Variants in PTPRT observed in about 807,000 individuals in gnomAD.
PTPRT encodes receptor-type tyrosine-protein phosphatase T.
Under a neutral mutation model 176.8 loss-of-function variants are expected in PTPRT, and 56 were observed. That is an observed-to-expected ratio of 0.32 (90% CI 0.26 to 0.40). The LOEUF (loss-of-function observed/expected upper bound fraction) is 0.40. Ranked by LOEUF, PTPRT falls within the 10% of genes least tolerant of loss-of-function variation. The pLI, the probability that PTPRT is intolerant of heterozygous loss-of-function variation, is 1.00. For synonymous variants in PTPRT, 783 were observed against 739.0 expected, an observed-to-expected ratio of 1.06 and a Z score of -0.96; for missense variants, 1,540 against 1,908.2, an observed-to-expected ratio of 0.81 and a Z score of 3.60.
At chr20:43,187,602 T>C (rs1422334926) in intron 1 of PTPRT, among the ~76,000 whole-genome samples, 1 of 152,078 alleles carries the variant, frequency 6.6e-6, no homozygotes, top group African/African-American at 2.4e-5. Flanking sequence ...CAATACAAGC[T>C]AATCCCATTC....
intron 8 of PTPRT, among the ~76,000 whole-genome samples, chr20:42,449,162 C>T (rs959567499): frequency 5.3e-5 from 8 of 152,174 alleles, no homozygotes; most frequent in Non-Finnish European, 1.0e-4. Flanking sequence ...AGAAGAAGCT[C>T]GCCTTGCTCC....
At chr20:42,396,361 T>C (rs2058849184) in intron 9 of PTPRT, among the ~76,000 whole-genome samples, 1 of 152,194 alleles carries the variant, frequency 6.6e-6, no homozygotes, top group Non-Finnish European at 1.5e-5. Flanking sequence ...CCACCATCTC[T>C]CACCTGCATT....
chr20:42,681,232 G>A (rs58452048), intron 6 of PTPRT, among the ~76,000 whole-genome samples: 9,697 of 152,208 alleles, frequency 0.064, 944 homozygotes, highest in African/African-American at 0.21. Flanking sequence ...TATAGGAAAT[G>A]TACAGGGCCA....
chr20:42,898,875 G>A (rs2079350499), intron 1 of PTPRT, among the ~76,000 whole-genome samples: 1 of 152,156 alleles, frequency 6.6e-6, no homozygotes, highest in Non-Finnish European at 1.5e-5. Context: ...GAGAGAACAG[G>A]GGGAGAGAAC....
Position 42,508,254 on chromosome 20 carries a change from T to C in PTPRT, c.1154-35692A>G, listed in dbSNP as rs369800670. Among the ~76,000 whole-genome samples, 299 of 151,796 alleles carry C rather than the reference T, an allele frequency of 2.0e-3. 14 individuals are homozygous for C. In the South Asian group the frequency reaches 0.059, roughly 30 times the overall value. On this transcript the variant is annotated intron_variant, in intron 7 of 30. Transcript: ENST00000373187. The stretch of plus-strand genomic sequence containing the variant: ...AAATACTGTTTTATGTTTGGTTTTG[T>C]TTCTAGGAGCGCCTGCTGAATAGCA...
In PTPRT at chr20:43,105,581, A is replaced by C. The variant is rs563997724; in HGVS notation, c.88+84065T>G. ...ATACCTGGCTAATTTTTGTATTTTT[A>C]GTAGAGACAAAGTTTCACTATGTTG... On this transcript the variant is annotated intron_variant, in intron 1 of 30. Coordinates refer to ENST00000373187, the MANE Select transcript of PTPRT (RefSeq NM_007050.6). Among the ~76,000 whole-genome samples the C allele has an allele frequency of 9.9e-4, 150 of 152,174 alleles. 1 individual carries two copies. The highest frequency in any genetic ancestry group is 3.5e-3 in the African/African-American group (144 of 41,518).
chr20:43,108,109 A>C (rs2012697084), intron 1 of PTPRT, among the ~76,000 whole-genome samples: 2 of 152,160 alleles, frequency 1.3e-5, no homozygotes, highest in African/African-American at 2.4e-5. Flanking sequence ...CTCTCTATCC[A>C]CCTGAGGATG....
At chr20:42,183,717 C>T (rs1202324339) in intron 16 of PTPRT, among the ~76,000 whole-genome samples, 4 of 152,102 alleles carry the variant, frequency 2.6e-5, no homozygotes, top group African/African-American at 7.2e-5. Context: ...TATGCATATG[C>T]CATTTTTCCT....
intron 13 of PTPRT, among the ~76,000 whole-genome samples, chr20:42,257,999 C>G (rs1446351296): frequency 5.3e-5 from 8 of 152,098 alleles, no homozygotes; most frequent in Non-Finnish European, 1.2e-4. Flanking sequence ...AGATTATTCT[C>G]TTTAACCTAT....
chr20:43,097,950 C>A (rs981510052), intron 1 of PTPRT, among the ~76,000 whole-genome samples: 18 of 152,088 alleles, frequency 1.2e-4, no homozygotes, highest in African/African-American at 4.1e-4. Flanking sequence ...CAGCACAGTG[C>A]GCGGGCTGTA....
chr20:42,581,700 T>C (rs1053021186), intron 7 of PTPRT, among the ~76,000 whole-genome samples: 1 of 152,142 alleles, frequency 6.6e-6, no homozygotes, highest in African/African-American at 2.4e-5. Context: ...AATGAGACTA[T>C]GAAAGGAGTT....
chr20:42,743,603 G>T (rs1490665600), intron 6 of PTPRT, among the ~76,000 whole-genome samples: 1 of 152,182 alleles, frequency 6.6e-6, no homozygotes, highest in Non-Finnish European at 1.5e-5. Context: ...AAGGCCCTGA[G>T]CAATGGTCAC....
At chr20:42,785,814 C>T (rs1163466704) in intron 3 of PTPRT, among the ~76,000 whole-genome samples, 1 of 152,158 alleles carries the variant, frequency 6.6e-6, no homozygotes, top group Non-Finnish European at 1.5e-5. Context: ...CCCTTTGTCT[C>T]TTTTTCCCTC....
intron 2 of PTPRT, among the ~76,000 whole-genome samples, chr20:42,838,329 G>C (rs2078217975): frequency 6.6e-6 from 1 of 152,152 alleles, no homozygotes; most frequent in Non-Finnish European, 1.5e-5. Flanking sequence ...AAAAACTGTT[G>C]ATAAAATGAA....
chr20:42,291,545 G>A (rs569562361), intron 12 of PTPRT, among the ~76,000 whole-genome samples: 49 of 152,296 alleles, frequency 3.2e-4, no homozygotes, highest in African/African-American at 1.1e-3. Flanking sequence ...AGAAGTGCCA[G>A]GTGCTGTGCA....
chr20:42,706,181 G>C (rs74177342), intron 6 of PTPRT, among the ~76,000 whole-genome samples: 7 of 29,722 alleles, frequency 2.4e-4, no homozygotes, highest in East Asian at 1.9e-3. Context: ...CTCTCTGTTT[G>C]TGTGTGTGTG....
Position 42,077,382 on chromosome 20 carries a change from T to C in PTPRT, c.*3497A>G, listed in dbSNP as rs1982879851. 1.4e-5 allele frequency: 3 copies of C among 215,462 alleles called. No individual in the cohort carries two copies. Among genetic ancestry groups the C allele is most frequent in the Non-Finnish European group, 2.8e-5 (3 of 106,752 alleles). The allele number at this position is 215,462 out of a possible 1,614,324, so 13.3% of individuals were successfully genotyped here. A position where few individuals can be genotyped will look rare whatever the true frequency, so the allele number is the denominator to read the frequency against. ...CAGGTGGAGAAATTTCCTGGGCTTC[T>C]CATTACTTCCTTGCATCTTCCCCAA... On this transcript the variant is annotated 3_prime_UTR_variant, in exon 31 of 31. Coordinates refer to ENST00000373187, the MANE Select transcript of PTPRT (RefSeq NM_007050.6).
intron 2 of PTPRT, among the ~76,000 whole-genome samples, chr20:42,873,857 G>A (rs1336810183): frequency 1.3e-5 from 2 of 152,082 alleles, no homozygotes; most frequent in Non-Finnish European, 2.9e-5. Flanking sequence ...AGACATCTCA[G>A]CCATCTTGTT....
Position 42,634,040 on chromosome 20 carries a change from ATTATAT to A in PTPRT, c.1153+43820_1153+43825del, listed in dbSNP as rs1569038688. Among the ~76,000 whole-genome samples, 49 of 30,250 alleles carry A rather than the reference ATTATAT, an allele frequency of 1.6e-3. 4 individuals are homozygous for A. Among genetic ancestry groups the A allele is most frequent in the African/African-American group, 3.2e-3 (20 of 6,186 alleles). 19.8% of individuals were successfully genotyped at this position (30,250 alleles called of 152,430 possible). ...TATATATAATATATATATTATATAT[ATTATAT>A]ATATATTATAAATATATAATATATA... On this transcript the variant is annotated intron_variant, in intron 7 of 30. Coordinates refer to ENST00000373187, the MANE Select transcript of PTPRT (RefSeq NM_007050.6).
Sources: gnomAD v4.1 joint callset for allele counts (sites outside exome capture counted in the v4.1 genomes callset) on GRCh38, gnomAD v4.1.1 for gene constraint, MANE v1.5 for transcripts, NCBI Gene and HGNC (gene_info 2026-07-23, HGNC 2026-07-21) for gene names.